HHAT: variants seen among roughly 807,000 people sequenced by gnomAD.
HHAT encodes protein-cysteine N-palmitoyltransferase HHAT.
Under a neutral mutation model 70.8 loss-of-function variants are expected in HHAT, and 47 were observed. That is an observed-to-expected ratio of 0.66 (90% CI 0.53 to 0.85). The LOEUF (loss-of-function observed/expected upper bound fraction) is 0.85. HHAT is among the 40% of genes least tolerant of loss of function. The pLI, the probability that HHAT is intolerant of heterozygous loss-of-function variation, is 0.00. For synonymous variants in HHAT, 228 were observed against 247.6 expected, an observed-to-expected ratio of 0.92 and a Z score of 0.74; for missense variants, 609 against 604.8, an observed-to-expected ratio of 1.01 and a Z score of -0.07.
intron 11 of HHAT, among the ~76,000 whole-genome samples, chr1:210,669,748 A>G (rs928565878): frequency 6.6e-6 from 1 of 152,254 alleles, no homozygotes; most frequent in African/African-American, 2.4e-5. Flanking sequence ...TTGAATGTGC[A>G]GAGTGTGTAG....
chr1:210,541,934 G>A (rs1190143961), intron 9 of HHAT, among the ~76,000 whole-genome samples: 2 of 152,114 alleles, frequency 1.3e-5, no homozygotes, highest in South Asian at 4.1e-4. Flanking sequence ...TTTCTGCACT[G>A]GCCAGGGAGT....
At chr1:210,665,962 G>A (rs1678800912) in intron 11 of HHAT, among the ~76,000 whole-genome samples, 1 of 152,186 alleles carries the variant, frequency 6.6e-6, no homozygotes, top group Admixed American at 6.5e-5. Context: ...GTTGTAAATG[G>A]TGTAGTAGAT....
intron 1 of HHAT, among the ~76,000 whole-genome samples, chr1:210,339,530 T>G (rs2085814859): frequency 6.6e-6 from 1 of 152,194 alleles, no homozygotes; most frequent in South Asian, 2.1e-4. Flanking sequence ...ACCTCTTGCC[T>G]CTGTTCTTTT....
intron 8 of HHAT, among the ~76,000 whole-genome samples, chr1:210,496,760 G>A (rs943200732): frequency 6.6e-6 from 1 of 152,184 alleles, no homozygotes; most frequent in South Asian, 2.1e-4. Context: ...CTTTAAGATC[G>A]TGAATATGAA....
chr1:210,412,414 T>C lies in HHAT; in HGVS notation c.685-5740T>C, dbSNP rs986962061. ...AAATATCATCTAAGTCAGATGTGTGTGATACTCAAGGTATGATTCATCCTT... is the reference window on the plus strand; with the variant it reads ...AAATATCATCTAAGTCAGATGTGTGCGATACTCAAGGTATGATTCATCCTT... On this transcript the variant is annotated intron_variant, in intron 6 of 11. Coordinates refer to ENST00000261458, the MANE Select transcript of HHAT (RefSeq NM_018194.6). Among the ~76,000 whole-genome samples the C allele has an allele frequency of 2.6e-4, 39 of 152,184 alleles. 1 individual carries two copies. The highest frequency in any genetic ancestry group is 9.2e-4 in the African/African-American group (38 of 41,460).
chr1:210,338,691 A>G (rs761913858), intron 1 of HHAT, among the ~76,000 whole-genome samples: 13 of 152,198 alleles, frequency 8.5e-5, no homozygotes, highest in South Asian at 2.1e-4. Context: ...TCACACAACC[A>G]TGAAGCAGCA....
intron 4 of HHAT, among the ~76,000 whole-genome samples, chr1:210,396,648 G>T (rs545260819): frequency 6.6e-6 from 1 of 152,304 alleles, no homozygotes; most frequent in East Asian, 1.9e-4. Flanking sequence ...ATGTGTGTTT[G>T]CATAAGTTTT....
chr1:210,619,818 C>T lies in HHAT; in HGVS notation c.1246-3708C>T, dbSNP rs180895616. Among the ~76,000 whole-genome samples, 308 of 152,222 alleles carry T rather than the reference C, an allele frequency of 2.0e-3. 1 individual carries two copies. Among genetic ancestry groups the T allele is most frequent in the African/African-American group, 6.9e-3 (287 of 41,540 alleles). On this transcript the variant is annotated intron_variant, in intron 10 of 11. Transcript: ENST00000261458. ...ACTAATCAACACTCTGAGAAGAGAC[C>T]GGGACCAGACCAGAGCTCTCTTTTA... is the stretch of plus-strand genomic sequence containing the variant.
intron 4 of HHAT, among the ~76,000 whole-genome samples, chr1:210,397,877 C>T (rs888997498): frequency 8.5e-5 from 13 of 152,170 alleles, no homozygotes; most frequent in Admixed American, 8.5e-4. Context: ...TGGGAGGGAT[C>T]GTGGTTGGGC....
At chr1:210,439,599 G>A (rs2093458818) in intron 7 of HHAT, 1 of 152,022 alleles carries the variant, frequency 6.6e-6, no homozygotes, top group Admixed American at 6.5e-5. Flanking sequence ...GAAAAACCTT[G>A]TGGTTCTTTT....
chr1:210,461,549 G>C (rs1349680060), intron 7 of HHAT, among the ~76,000 whole-genome samples: 2 of 152,044 alleles, frequency 1.3e-5, no homozygotes, highest in Admixed American at 1.3e-4. Flanking sequence ...TGATCTGCCT[G>C]CCTCAGCCTC....
In HHAT at chr1:210,496,633, T is replaced by A. The variant is rs577275569; in HGVS notation, c.1008-16520T>A. Among the ~76,000 whole-genome samples the A allele has an allele frequency of 7.9e-5, 12 of 152,326 alleles. 1 individual carries two copies. The highest frequency in any genetic ancestry group is 4.6e-4 in the Admixed American group (7 of 15,304). On this transcript the variant is annotated intron_variant, in intron 8 of 11. Coordinates refer to ENST00000261458, the MANE Select transcript of HHAT (RefSeq NM_018194.6). ...ATGTGAGAAAGTGTTTAAGAAACAC[T>A]GCTGTACAGTGTCTAATACTGTGCA...
intron 11 of HHAT, among the ~76,000 whole-genome samples, chr1:210,667,110 C>T (rs1443328728): frequency 1.3e-5 from 2 of 150,064 alleles, no homozygotes; most frequent in Non-Finnish European, 3.0e-5. Flanking sequence ...GGTCTGGGCA[C>T]TGTGGCTCAT....
intron 2 of HHAT, among the ~76,000 whole-genome samples, chr1:210,352,838 C>A (rs1333635196): frequency 6.6e-6 from 1 of 152,040 alleles, no homozygotes; most frequent in Non-Finnish European, 1.5e-5. Flanking sequence ...TGACCTCGCC[C>A]CTGGTGCTCT....
intron 8 of HHAT, among the ~76,000 whole-genome samples, chr1:210,511,832 C>A (rs1156331162): frequency 1.4e-5 from 2 of 147,506 alleles, no homozygotes; most frequent in Non-Finnish European, 3.0e-5. Flanking sequence ...CTCTGTCGCC[C>A]AGGCTGGAGT....
intron 7 of HHAT, among the ~76,000 whole-genome samples, chr1:210,454,619 ATTAC>A (rs1168608499): frequency 3.3e-5 from 5 of 152,140 alleles, no homozygotes; most frequent in Non-Finnish European, 7.4e-5. Flanking sequence ...TGTGTGGAGT[ATTAC>A]TTTGCTTCTG....
chr1:210,611,944 C>T (rs182129875), intron 10 of HHAT, among the ~76,000 whole-genome samples: 2 of 152,274 alleles, frequency 1.3e-5, no homozygotes, highest in African/African-American at 2.4e-5. Context: ...CAATGTTCAT[C>T]AAGGATATTG....
At chr1:210,508,926 T>C (rs181283721) in intron 8 of HHAT, among the ~76,000 whole-genome samples, 3 of 152,336 alleles carry the variant, frequency 2.0e-5, no homozygotes, top group East Asian at 3.9e-4. Flanking sequence ...TCACAAACAT[T>C]AGAAGCACAG....
intron 8 of HHAT, among the ~76,000 whole-genome samples, chr1:210,510,606 G>T (rs1023390969): frequency 6.6e-6 from 1 of 152,196 alleles, no homozygotes; most frequent in East Asian, 1.9e-4. Flanking sequence ...AATAATGAAA[G>T]GCAGTGAGAA....
Sources: gnomAD v4.1 joint callset for allele counts (sites outside exome capture counted in the v4.1 genomes callset) on GRCh38, gnomAD v4.1.1 for gene constraint, MANE v1.5 for transcripts, NCBI Gene and HGNC (gene_info 2026-07-23, HGNC 2026-07-21) for gene names.